SATL1: variants seen among roughly 807,000 people sequenced by gnomAD.
SATL1 encodes the protein spermidine/spermine N1-acetyl transferase like 1, also known as spermidine/spermine N(1)-acetyltransferase-like protein 1.
A neutral mutation model predicts 51.8 loss-of-function variants in SATL1; 47 were observed. That is an observed-to-expected ratio of 0.91 (90% CI 0.72 to 1.16). The LOEUF (loss-of-function observed/expected upper bound fraction) is 1.16. Ranked by LOEUF, SATL1 falls within the 50% of genes most tolerant of loss-of-function variation. The pLI, the probability that SATL1 is intolerant of heterozygous loss-of-function variation, is 0.00. For synonymous variants in SATL1, 176 were observed against 182.4 expected (o/e 0.97, Z 0.28); for missense variants, 520 against 526.4 (o/e 0.99, Z 0.12).
At chrX:85,200,005 C>T (rs748699821) in intron 2 of SATL1, among the ~76,000 whole-genome samples, 11 of 111,718 alleles carry the variant, frequency 9.8e-5, no homozygotes, top group Non-Finnish European at 2.1e-4. Context: ...GATGGATACC[C>T]CATTTACCCT....
chrX:85,236,788 A>ATG (rs1232710293), intron 1 of SATL1, among the ~76,000 whole-genome samples: 1 of 111,689 alleles, frequency 9.0e-6, no homozygotes, highest in Non-Finnish European at 1.9e-5. Context: ...CATGACAAGG[A>ATG]TGCCCACTTT....
intron 4 of SATL1, among the ~76,000 whole-genome samples, chrX:85,099,534 A>C (rs1924833159): frequency 8.9e-6 from 1 of 111,754 alleles, no homozygotes; most frequent in Admixed American, 9.5e-5. Context: ...ACAGCATATT[A>C]AAGGGATTAT....
At chrX:85,141,142 GC>G (rs1926099770) in intron 2 of SATL1, among the ~76,000 whole-genome samples, 1 of 111,414 alleles carries the variant, frequency 9.0e-6, no homozygotes. Flanking sequence ...GCAAGGGAAG[GC>G]TGCCCTTTCC....
intron 2 of SATL1, among the ~76,000 whole-genome samples, chrX:85,136,169 T>C (rs934479192): frequency 9.1e-6 from 1 of 109,917 alleles, no homozygotes; most frequent in African/African-American, 3.3e-5. Flanking sequence ...ACATGGCATA[T>C]AGGAGAAAGA....
chrX:85,195,922 T>C (rs180950968), intron 2 of SATL1, among the ~76,000 whole-genome samples: 2 of 110,667 alleles, frequency 1.8e-5, no homozygotes, highest in East Asian at 5.6e-4. Flanking sequence ...GACAATTGAA[T>C]TGGAGGTTGA....
chrX:85,179,221 T>C (rs1231146723), intron 2 of SATL1, among the ~76,000 whole-genome samples: 1 of 112,217 alleles, frequency 8.9e-6, no homozygotes, highest in East Asian at 2.8e-4. Context: ...TAGACCATTC[T>C]ACACATTTAA....
Position 85,150,709 on chromosome X carries a change from A to C in SATL1, c.-312-41429T>G, listed in dbSNP as rs1386668381. 1.5e-4 allele frequency among the ~76,000 whole-genome samples: 17 copies of C among 111,549 alleles called. No individual in the cohort carries two copies. The East Asian group carries it at 3.1e-3, about 20-fold the overall frequency. On this transcript the variant is annotated intron_variant, in intron 2 of 7. Transcript: ENST00000644105. ...CCAGCATATAAACAGAACCAAAGAC[A>C]AAAACCACATGATTATCTCAATAGA...
chrX:85,210,676 G>A (rs1927901437), intron 2 of SATL1: 1 of 111,576 alleles, frequency 9.0e-6, no homozygotes, highest in South Asian at 3.8e-4. Flanking sequence ...GAATGGTCTG[G>A]AACCCTTGAT....
chrX:85,211,085 C>CT (rs1569247996), intron 2 of SATL1: 1 of 111,614 alleles, frequency 9.0e-6, no homozygotes, highest in Admixed American at 9.5e-5. Context: ...ACTATTTAAT[C>CT]TTTTTAAATC....
At chrX:85,182,561 G>A (rs1026266929) in intron 2 of SATL1, among the ~76,000 whole-genome samples, 2 of 111,752 alleles carry the variant, frequency 1.8e-5, no homozygotes, top group Non-Finnish European at 3.8e-5. Context: ...TGGTGGTGCA[G>A]ATACCTCTTT....
At chrX:85,097,839 A>G (rs1318270612) in intron 4 of SATL1, among the ~76,000 whole-genome samples, 1 of 112,156 alleles carries the variant, frequency 8.9e-6, no homozygotes, top group Admixed American at 9.5e-5. Context: ...ATACACACAT[A>G]AGGAAATGAG....
intron 2 of SATL1, among the ~76,000 whole-genome samples, chrX:85,198,878 C>T (rs1927632449): frequency 9.2e-6 from 1 of 108,317 alleles, no homozygotes; most frequent in African/African-American, 3.4e-5. Flanking sequence ...CTTGCTCTGT[C>T]GCCAGGCTGG....
intron 2 of SATL1, among the ~76,000 whole-genome samples, chrX:85,157,635 T>C (rs1926628444): frequency 9.0e-6 from 1 of 111,106 alleles, no homozygotes; most frequent in South Asian, 3.8e-4. Context: ...TAATCTCTCT[T>C]TTTAACTTAA....
At chrX:85,184,218 A>G (rs1301863219) in intron 2 of SATL1, among the ~76,000 whole-genome samples, 2 of 111,252 alleles carry the variant, frequency 1.8e-5, no homozygotes, top group Non-Finnish European at 3.8e-5. Context: ...CCAAACCTAT[A>G]AGGTTTCCAC....
chrX:85,175,826 T>G (rs1927070917), intron 2 of SATL1, among the ~76,000 whole-genome samples: 1 of 110,706 alleles, frequency 9.0e-6, no homozygotes, highest in Admixed American at 9.7e-5. Context: ...AAGAAGGAGC[T>G]GGAGGAATAA....
intron 2 of SATL1, among the ~76,000 whole-genome samples, chrX:85,133,647 G>A (rs1027703015): frequency 9.0e-6 from 1 of 111,603 alleles, no homozygotes; most frequent in Non-Finnish European, 1.9e-5. Context: ...CTTGCCTTCT[G>A]TGGGCTGCAC....
chrX:85,154,861 T>C (rs755763784), intron 2 of SATL1, among the ~76,000 whole-genome samples: 24 of 112,257 alleles, frequency 2.1e-4, no homozygotes, highest in Admixed American at 1.4e-3. Flanking sequence ...TCTCATAAAT[T>C]TTATATTGGT....
chrX:85,132,683 T>G (rs1925840668), intron 2 of SATL1, among the ~76,000 whole-genome samples: 1 of 111,820 alleles, frequency 8.9e-6, no homozygotes, highest in Non-Finnish European at 1.9e-5. Flanking sequence ...CCATCCAGCT[T>G]TGTTCTGTTG....
rs188191742 is a variant in SATL1 at position 85,105,912 on chromosome X, T to C, written c.1641+1416A>G. 5.2e-3 allele frequency among the ~76,000 whole-genome samples: 587 copies of C among 111,867 alleles called. 3 individuals carry two copies. Among genetic ancestry groups the C allele is most frequent in the African/African-American group, 0.018 (550 of 30,864 alleles). ...TCATTAAAATTACTCCCAATAAACATCTTATGTATTATCAGATACATGTGG... is the reference window on the plus strand; with the variant it reads ...TCATTAAAATTACTCCCAATAAACACCTTATGTATTATCAGATACATGTGG... On this transcript the variant is annotated intron_variant, in intron 3 of 7. Transcript: ENST00000644105.
Sources: gnomAD v4.1 joint callset for allele counts (sites outside exome capture counted in the v4.1 genomes callset) on GRCh38, gnomAD v4.1.1 for gene constraint, MANE v1.5 for transcripts, NCBI Gene and HGNC (gene_info 2026-07-23, HGNC 2026-07-21) for gene names.